The following TFCP2 variants were observed in gnomAD, a reference collection of about 807,000 sequenced individuals.
The protein encoded by TFCP2 is transcription factor CP2, also known as alpha-globin transcription factor CP2.
A neutral mutation model predicts 73.4 loss-of-function variants in TFCP2; 33 were observed. The ratio of observed to expected loss-of-function variants is 0.45; its 90% CI spans 0.34 to 0.60. The LOEUF (loss-of-function observed/expected upper bound fraction) is 0.60. Among genes scored for constraint, TFCP2 ranks in the 20% least tolerant of loss-of-function variants. The pLI is 0.01. For missense variants in TFCP2, 352 were observed against 604.0 expected (o/e 0.58, Z 4.37); for synonymous variants, 193 against 211.6 (o/e 0.91, Z 0.76).
chr12:51,145,291 A>G (rs980694112), intron 1 of TFCP2, among the ~76,000 whole-genome samples: 1 of 151,394 alleles, frequency 6.6e-6, no homozygotes, highest in Admixed American at 6.6e-5. Context: ...CTGAAGCAGG[A>G]GAATCGCTTG....
Position 51,099,685 on chromosome 12 carries a change from C to T in TFCP2, c.1246G>A (p.Glu416Lys), listed in dbSNP as rs1566198018. Residue 416 changes from glutamate (E) to lysine (K), a missense_variant, in exon 12 of 15, where the codon GAG becomes AAG. By Grantham distance (56) the Glu-to-Lys change is moderately conservative (BLOSUM62 1). This residue lies in a region of TFCP2 where 194 missense variants were observed against 256.3 expected (regional missense o/e 0.76). Coordinates refer to ENST00000257915, the MANE Select transcript of TFCP2 (RefSeq NM_005653.5). ...QQQQQQQQKH[E>K]DGDSNGTFFV... Reference sequence around the variant, plus strand: ...AAAGTACCATTTGAGTCTCCATCCTCATGCTTCTGCTGCTGTTGCTGCTGC... The same window carrying T: ...AAAGTACCATTTGAGTCTCCATCCTTATGCTTCTGCTGCTGTTGCTGCTGC... The T allele has an allele frequency of 6.2e-7, 1 of 1,614,204 alleles. No homozygotes were observed. The highest frequency in any genetic ancestry group is 2.2e-5 in the East Asian group (1 of 44,888).
chr12:51,096,917 T>C (rs1939977421), intron 13 of TFCP2, among the ~76,000 whole-genome samples: 1 of 152,048 alleles, frequency 6.6e-6, no homozygotes. Flanking sequence ...AACGAAACAA[T>C]TTCATCGAAC....
At chr12:51,096,925 A>G (rs1283136782) in intron 13 of TFCP2, among the ~76,000 whole-genome samples, 1 of 151,872 alleles carries the variant, frequency 6.6e-6, no homozygotes, top group Non-Finnish European at 1.5e-5. Flanking sequence ...AATTTCATCG[A>G]ACTCATTCAT....
At position 51,099,767 on chromosome 12, in the gene TFCP2, T is replaced by G. The variant is rs1222861929; in HGVS notation, c.1164A>C (p.Pro388=). ...CCTGACAAACATAAATGGTTAACCTTGGACGCACCATCCTAAGGGGAGGAA... is the reference window on the plus strand; with the variant it reads ...CCTGACAAACATAAATGGTTAACCTGGGACGCACCATCCTAAGGGGAGGAA... ...FNALKGRMVR[P]RLTIYVCQES... Residue 388 remains proline, a synonymous_variant, in exon 12 of 15, where the codon CCA becomes CCC. Transcript: ENST00000257915. 1 of 1,614,170 alleles carries G rather than the reference T, an allele frequency of 6.2e-7. No individual in the cohort carries two copies. The highest frequency in any genetic ancestry group is 1.1e-5 in the South Asian group (1 of 91,080).
At chr12:51,125,957 A>G (rs369420621) in intron 1 of TFCP2, among the ~76,000 whole-genome samples, 71 of 151,618 alleles carry the variant, frequency 4.7e-4, no homozygotes, top group African/African-American at 1.2e-3. Flanking sequence ...TTGGCCAGGC[A>G]CGGTGGCTCA....
chr12:51,136,919 C>T (rs758593785), intron 1 of TFCP2, among the ~76,000 whole-genome samples: 6 of 151,940 alleles, frequency 3.9e-5, no homozygotes, highest in South Asian at 4.1e-4. Context: ...CATTTCAGCC[C>T]GGACGACAGA....
intron 1 of TFCP2, among the ~76,000 whole-genome samples, chr12:51,167,590 A>G (rs970421648): frequency 2.6e-5 from 4 of 151,980 alleles, no homozygotes; most frequent in African/African-American, 9.7e-5. Context: ...ACAGGGTTTT[A>G]CCATGTTGGC....
At chr12:51,127,850 C>A (rs1314654502) in intron 1 of TFCP2, among the ~76,000 whole-genome samples, 1 of 152,076 alleles carries the variant, frequency 6.6e-6, no homozygotes, top group Non-Finnish European at 1.5e-5. Context: ...CTGAGGAAAC[C>A]CAGACAAATC....
intron 1 of TFCP2, among the ~76,000 whole-genome samples, chr12:51,139,439 T>C (rs538784603): frequency 2.0e-5 from 3 of 152,206 alleles, no homozygotes; most frequent in African/African-American, 7.2e-5. Flanking sequence ...GGCGTGATCA[T>C]AGCTCACTGC....
intron 1 of TFCP2, among the ~76,000 whole-genome samples, chr12:51,141,346 T>A (rs1426469480): frequency 6.6e-6 from 1 of 152,142 alleles, no homozygotes; most frequent in Non-Finnish European, 1.5e-5. Flanking sequence ...AGTGTGTACC[T>A]CTGCAGAGAG....
In TFCP2 at chr12:51,172,436, T is replaced by C. The variant is rs767858128; in HGVS notation, c.-14A>G. The C allele has an allele frequency of 7.4e-6, 12 of 1,613,802 alleles. No homozygotes were observed. In the African/African-American group the frequency reaches 1.1e-4, roughly 14 times the overall value. On this transcript the variant is annotated 5_prime_UTR_variant, in exon 1 of 15. Coordinates refer to ENST00000257915, the MANE Select transcript of TFCP2 (RefSeq NM_005653.5). The stretch of plus-strand genomic sequence containing the variant: ...AGCCCAGGCCATCCTGGCTCCTTCC[T>C]TGCCCCAGGAGACACCGTGTCTTGT...
In TFCP2 at chr12:51,094,879, A is replaced by G; in HGVS notation, c.*362T>C. ...CATTTTTATATAAGAAAAAAATTAC[A>G]GGGCTCCATATCACAAAATTTAAGA... On this transcript the variant is annotated 3_prime_UTR_variant, in exon 15 of 15. Transcript: ENST00000257915. 4.5e-6 allele frequency: 1 copy of G among 220,540 alleles called. No individual in the cohort carries two copies. Among genetic ancestry groups the G allele is most frequent in the Non-Finnish European group, 9.0e-6 (1 of 111,064 alleles). The allele number at this position is 220,540 out of a possible 1,614,324, so 13.7% of individuals were successfully genotyped here. A position where few individuals can be genotyped will look rare whatever the true frequency, so the allele number is the denominator to read the frequency against.
intron 1 of TFCP2, among the ~76,000 whole-genome samples, chr12:51,132,365 T>TTTTTTTTTTTA (rs1940964620): frequency 3.0e-5 from 3 of 99,580 alleles, no homozygotes; most frequent in Non-Finnish European, 5.7e-5. Flanking sequence ...GTCTTTTTTT[T>TTTTTTTTTTTA]TTTTTTTTTT....
intron 10 of TFCP2, among the ~76,000 whole-genome samples, chr12:51,102,399 C>T (rs565816003): frequency 6.6e-6 from 1 of 151,698 alleles, no homozygotes; most frequent in Non-Finnish European, 1.5e-5. Flanking sequence ...GACTGTTAGG[C>T]GTGGGCAACA....
At position 51,129,695 on chromosome 12, in the gene TFCP2, A is replaced by G. The variant is rs138381629; in HGVS notation, c.123-10923T>C. ...GGTTGGATGAGTTGACCTCTTTAAGAGGGCCTCCTAATCAGTTCTATGATT... is the reference window on the plus strand; with the variant it reads ...GGTTGGATGAGTTGACCTCTTTAAGGGGGCCTCCTAATCAGTTCTATGATT... On this transcript the variant is annotated intron_variant, in intron 1 of 14. Transcript: ENST00000257915. Among the ~76,000 whole-genome samples the G allele has an allele frequency of 1.8e-3, 274 of 152,210 alleles. 1 individual carries two copies. The highest frequency in any genetic ancestry group is 6.4e-3 in the African/African-American group (267 of 41,526).
At position 51,098,810 on chromosome 12, in the gene TFCP2, C is replaced by G. The variant is rs1257015019; in HGVS notation, c.1385G>C (p.Gly462Ala). 1.9e-6 allele frequency: 3 copies of G among 1,614,028 alleles called. No homozygotes were observed. The highest frequency in any genetic ancestry group is 1.7e-6 in the Non-Finnish European group (2 of 1,180,030). ...GATGAGCACATGAATTCCTGTTGGCCCCTGCTTGTAAATCTGGCTGATCTG... is the reference window on the plus strand; with the variant it reads ...GATGAGCACATGAATTCCTGTTGGCGCCTGCTTGTAAATCTGGCTGATCTG... ...PCQISQIYKQGPTGIHVLISD... is the reference protein window; with the variant it reads ...PCQISQIYKQAPTGIHVLISD... Residue 462 changes from glycine to alanine, a missense_variant, in exon 13 of 15, where the codon GGG becomes GCG. Physicochemically the swap from Gly to Ala is moderately conservative, Grantham distance 60 (BLOSUM62 0). Transcript: ENST00000257915.
rs35126482 is a variant in TFCP2, at chr12:51,120,587, TA to T, written c.123-1816del. Among the ~76,000 whole-genome samples, 860 of 149,452 alleles carry T rather than the reference TA, an allele frequency of 5.8e-3. 4 individuals carry two copies. Among genetic ancestry groups the T allele is most frequent in the African/African-American group, 0.02 (803 of 40,864 alleles). ...CATCTCATTGTATATGAATTTTACC[TA>T]AAAAAAAAATTATTGATTAGAGGAT... On this transcript the variant is annotated intron_variant, in intron 1 of 14. Coordinates refer to ENST00000257915, the MANE Select transcript of TFCP2 (RefSeq NM_005653.5).
chr12:51,170,499 G>A (rs905243347), intron 1 of TFCP2, among the ~76,000 whole-genome samples: 1 of 151,786 alleles, frequency 6.6e-6, no homozygotes, highest in South Asian at 2.1e-4. Flanking sequence ...ATGCCACCAG[G>A]CCTGGGTAAT....
intron 1 of TFCP2, among the ~76,000 whole-genome samples, chr12:51,146,330 A>T (rs953943202): frequency 1.6e-4 from 24 of 151,904 alleles, no homozygotes; most frequent in Non-Finnish European, 3.2e-4. Flanking sequence ...AATAAAATAT[A>T]TTTAAGATTC....
Sources: gnomAD v4.1 joint callset for allele counts (sites outside exome capture counted in the v4.1 genomes callset) on GRCh38, gnomAD v4.1.1 for gene constraint, gnomAD v4.1.1 regional missense constraint, MANE v1.5 for transcripts, NCBI Gene and HGNC (gene_info 2026-07-23, HGNC 2026-07-21) for gene names.